Variants in ASAP2 observed in about 807,000 individuals in gnomAD.
ASAP2 encodes the protein ArfGAP with SH3 domain, ankyrin repeat and PH domain 2.
ASAP2 carries 45 observed loss-of-function variants against 131.4 expected under a neutral mutation model. That is an observed-to-expected ratio of 0.34 (90% CI 0.27 to 0.44). ASAP2 has a LOEUF of 0.44. Among genes scored for constraint, ASAP2 ranks in the 20% least tolerant of loss-of-function variants. The pLI is 1.00. For synonymous variants in ASAP2, 510 were observed against 503.0 expected, an observed-to-expected ratio of 1.01 and a Z score of -0.19; for missense variants, 1,011 against 1,297.0, an observed-to-expected ratio of 0.78 and a Z score of 3.39.
chr2:9,242,794 C>T (rs1214280193), intron 1 of ASAP2, among the ~76,000 whole-genome samples: 1 of 152,084 alleles, frequency 6.6e-6, no homozygotes, highest in Non-Finnish European at 1.5e-5. Context: ...TCTGGGGAAG[C>T]ATGATGCTGG....
At position 9,388,465 on chromosome 2, in the gene ASAP2, A is replaced by G; in HGVS notation, c.2302A>G (p.Ser768Gly). The change falls in exon 22 of 28, where the codon AGT becomes GGT. Residue 768 changes from serine (S) to glycine (G), a missense_variant. This residue lies in a region of ASAP2 where 652 missense variants were observed against 698.9 expected (regional missense o/e 0.93). Transcript: ENST00000281419. ...GAATGAGACTTACGGAGCCCTCCTGAGTGGCAGCCCACCTCCCGCCCAGCC... is the reference window on the plus strand; with the variant it reads ...GAATGAGACTTACGGAGCCCTCCTGGGTGGCAGCCCACCTCCCGCCCAGCC... ...LQNETYGALL[S>G]GSPPPAQPAA... The G allele has an allele frequency of 6.2e-7, 1 of 1,614,094 alleles. No homozygotes were observed.
chr2:9,303,268 A>C (rs978058092), intron 3 of ASAP2, among the ~76,000 whole-genome samples: 1 of 152,206 alleles, frequency 6.6e-6, no homozygotes, highest in Non-Finnish European at 1.5e-5. Flanking sequence ...GTACGTGGGA[A>C]TATCCGCCCT....
chr2:9,380,018 A>G (rs1480285483), intron 19 of ASAP2, among the ~76,000 whole-genome samples: 1 of 151,794 alleles, frequency 6.6e-6, no homozygotes, highest in Non-Finnish European at 1.5e-5. Flanking sequence ...TAAAGTATAT[A>G]CTTTCAGGGT....
intron 16 of ASAP2, among the ~76,000 whole-genome samples, chr2:9,371,899 G>A (rs1674000824): frequency 6.6e-6 from 1 of 152,012 alleles, no homozygotes; most frequent in African/African-American, 2.4e-5. Flanking sequence ...GGCGGATCAC[G>A]AGGTCAGGAG....
At chr2:9,305,715 T>C (rs1200750415) in intron 3 of ASAP2, among the ~76,000 whole-genome samples, 47 of 145,538 alleles carry the variant, frequency 3.2e-4, no homozygotes, top group African/African-American at 1.2e-3. Flanking sequence ...TAGTGGGGTA[T>C]AGATATTGGT....
Position 9,389,116 on chromosome 2 carries a change from C to T in ASAP2, c.2383+570C>T, listed in dbSNP as rs1276364477. Among the ~76,000 whole-genome samples, 1 of 152,230 alleles carries T rather than the reference C, an allele frequency of 6.6e-6. No individual in the cohort carries two copies. The highest frequency in any genetic ancestry group is 1.5e-5 in the Non-Finnish European group (1 of 68,046). ...CAGCTGTAACCTGGAGGTTTTGACT[C>T]AACAGGTGACACTTTCTGTTTTTAG... On this transcript the variant is annotated intron_variant, in intron 22 of 27. Coordinates refer to ENST00000281419, the MANE Select transcript of ASAP2 (RefSeq NM_003887.3). The surrounding 1 kb of genome is among the most constrained non-coding windows in gnomAD (Gnocchi z 4.7).
chr2:9,391,968 A>G (rs1398862853), intron 23 of ASAP2, among the ~76,000 whole-genome samples: 6 of 151,280 alleles, frequency 4.0e-5, no homozygotes, highest in African/African-American at 1.5e-4. Flanking sequence ...GCAGCCTCCA[A>G]CTCCTGGGTT....
chr2:9,338,677 A>G (rs2148580547), intron 9 of ASAP2, among the ~76,000 whole-genome samples: 1 of 152,162 alleles, frequency 6.6e-6, no homozygotes, highest in Non-Finnish European at 1.5e-5. Flanking sequence ...CACAAACACA[A>G]CAGAACAAGA....
intron 2 of ASAP2, among the ~76,000 whole-genome samples, chr2:9,294,165 A>G (rs1489512654): frequency 2.6e-5 from 4 of 151,788 alleles, no homozygotes; most frequent in Non-Finnish European, 5.9e-5. Flanking sequence ...TGCCTGGCTA[A>G]TTTTTGTATT....
At chr2:9,390,314 C>T (rs1675618676) in intron 22 of ASAP2, among the ~76,000 whole-genome samples, 1 of 152,212 alleles carries the variant, frequency 6.6e-6, no homozygotes, top group South Asian at 2.1e-4. Flanking sequence ...ACCTGGCTCC[C>T]CAGGGGAGGA....
At chr2:9,359,527 G>A (rs886437294) in intron 15 of ASAP2, among the ~76,000 whole-genome samples, 2 of 152,240 alleles carry the variant, frequency 1.3e-5, no homozygotes, top group Non-Finnish European at 2.9e-5. Flanking sequence ...TAATACATGA[G>A]CTTTCATGAC....
At chr2:9,336,875 C>A (rs1403397677) in intron 9 of ASAP2, among the ~76,000 whole-genome samples, 1 of 152,226 alleles carries the variant, frequency 6.6e-6, no homozygotes, top group Admixed American at 6.5e-5. Context: ...CTGCCTTTGT[C>A]TAAGAAGGAA....
intron 9 of ASAP2, among the ~76,000 whole-genome samples, chr2:9,341,716 A>G (rs1047679590): frequency 6.6e-6 from 1 of 152,142 alleles, no homozygotes; most frequent in Non-Finnish European, 1.5e-5. Context: ...ATTTCTCCAC[A>G]TTCCTTCCAC....
intron 1 of ASAP2, among the ~76,000 whole-genome samples, chr2:9,212,558 T>G (rs1258222725): frequency 6.6e-6 from 1 of 152,132 alleles, no homozygotes; most frequent in Non-Finnish European, 1.5e-5. Flanking sequence ...TCACCTGGTC[T>G]CTAGAGGGCT....
intron 3 of ASAP2, among the ~76,000 whole-genome samples, chr2:9,306,539 T>C (rs1668957620): frequency 6.6e-6 from 1 of 151,714 alleles, no homozygotes; most frequent in Non-Finnish European, 1.5e-5. Flanking sequence ...TGAGAGGGGC[T>C]TGAGCCTGTT....
chr2:9,275,965 T>C (rs1462889258), intron 1 of ASAP2, among the ~76,000 whole-genome samples: 1 of 152,198 alleles, frequency 6.6e-6, no homozygotes, highest in Non-Finnish European at 1.5e-5. Context: ...GTAGCTGCTG[T>C]AGTGGATGGC....
intron 1 of ASAP2, among the ~76,000 whole-genome samples, chr2:9,265,188 A>C (rs1665860072): frequency 6.6e-6 from 1 of 152,262 alleles, no homozygotes; most frequent in Non-Finnish European, 1.5e-5. Flanking sequence ...ACAGTGTAAC[A>C]ACTGTTTACA....
rs561407361 is a variant in ASAP2, at chr2:9,390,941, G to C, written c.2384-121G>C. 12 of 1,456,382 alleles carry C rather than the reference G, an allele frequency of 8.2e-6. No homozygotes were observed. The East Asian group carries it at 2.5e-4, about 31-fold the overall frequency. The allele number at this position is 1,456,382 out of a possible 1,614,324, so 90.2% of individuals were successfully genotyped here. A position where few individuals can be genotyped will look rare whatever the true frequency, so the allele number is the denominator to read the frequency against. On this transcript the variant is annotated intron_variant, in intron 22 of 27. Coordinates refer to ENST00000281419, the MANE Select transcript of ASAP2 (RefSeq NM_003887.3). ...AAGCATTGAGGGTTCTAGGTAGAAG[G>C]GTCATACTGACCGTTTCATAAGGGG...
chr2:9,376,349 A>G (rs1440692795), intron 17 of ASAP2, among the ~76,000 whole-genome samples: 1 of 152,152 alleles, frequency 6.6e-6, no homozygotes, highest in East Asian at 1.9e-4. Context: ...TGCTGAAACA[A>G]TCCTTGTTCA....
Sources: allele counts gnomAD v4.1 joint callset (sites outside exome capture counted in the v4.1 genomes callset), GRCh38; gene constraint gnomAD v4.1.1; regional missense constraint gnomAD v4.1.1; non-coding constraint Gnocchi (gnomAD v3.1); transcripts MANE v1.5; gene names NCBI Gene and HGNC (gene_info 2026-07-23, HGNC 2026-07-21).